The following C10orf90 variants were observed in gnomAD, a reference collection of about 807,000 sequenced individuals.
The protein encoded by C10orf90 is (E2-independent) E3 ubiquitin-conjugating enzyme FATS.
In C10orf90, 56 loss-of-function variants were observed where a neutral mutation model predicts 62.5. The observed-to-expected ratio is 0.90, with a 90% confidence interval of 0.72 to 1.12. C10orf90 has a LOEUF of 1.12. Ranked by LOEUF, C10orf90 falls within the 50% of genes most tolerant of loss-of-function variation. The pLI, the probability that C10orf90 is intolerant of heterozygous loss-of-function variation, is 0.00. For missense variants in C10orf90, 970 were observed against 880.4 expected (o/e 1.10, Z -1.29); for synonymous variants, 386 against 340.4 (o/e 1.13, Z -1.47).
At chr10:126,495,301 A>G (rs1394466590) in intron 4 of C10orf90, among the ~76,000 whole-genome samples, 1 of 152,154 alleles carries the variant, frequency 6.6e-6, no homozygotes, top group East Asian at 1.9e-4. Flanking sequence ...AGACGGGTGG[A>G]TCACCTGAAG....
intron 2 of C10orf90, among the ~76,000 whole-genome samples, chr10:126,638,756 T>A (rs1306189568): frequency 6.6e-6 from 1 of 152,124 alleles, no homozygotes; most frequent in Non-Finnish European, 1.5e-5. Context: ...CACCCCGCCC[T>A]CTTTTTACTA....
In C10orf90 at chr10:126,453,888, T is replaced by C. The variant is rs1368526161; in HGVS notation, c.2188+5152A>G. The stretch of plus-strand genomic sequence containing the variant: ...GTTTGGGAACCCTGATCATGAGTGT[T>C]TTTGGAGTGAAGGAAGGACAGGAAA... On this transcript the variant is annotated intron_variant, in intron 7 of 9. Coordinates refer to ENST00000488181, the MANE Select transcript of C10orf90 (RefSeq NM_001350921.2). The surrounding 1 kb of genome is among the most constrained non-coding windows in gnomAD (Gnocchi z 4.9). Among the ~76,000 whole-genome samples, 1 of 151,888 alleles carries C rather than the reference T, an allele frequency of 6.6e-6. No individual in the cohort carries two copies. Among genetic ancestry groups the C allele is most frequent in the Non-Finnish European group, 1.5e-5 (1 of 67,950 alleles).
Position 126,670,500 on chromosome 10 carries a change from C to G in C10orf90, c.-20G>C, listed in dbSNP as rs181309550. On this transcript the variant is annotated 5_prime_UTR_variant, in exon 1 of 10. Coordinates refer to ENST00000488181, the MANE Select transcript of C10orf90 (RefSeq NM_001350921.2). ...CTGCATGAGACTCAGTATCTTGTGACTTTAGCTAGTGAGACTGGCAAACAC... is the reference window on the plus strand; with the variant it reads ...CTGCATGAGACTCAGTATCTTGTGAGTTTAGCTAGTGAGACTGGCAAACAC... 1.2e-3 allele frequency: 549 copies of G among 455,548 alleles called. No individual in the cohort carries two copies. The highest frequency in any genetic ancestry group is 2.0e-3 in the Non-Finnish European group (445 of 226,300). 28.2% of individuals were successfully genotyped at this position (455,548 alleles called of 1,614,324 possible).
At chr10:126,487,799 G>A (rs1344363558) in intron 4 of C10orf90, among the ~76,000 whole-genome samples, 1 of 152,056 alleles carries the variant, frequency 6.6e-6, no homozygotes, top group Non-Finnish European at 1.5e-5. Flanking sequence ...TCTAAATATT[G>A]TATAATATAA....
chr10:126,433,676 A>C (rs767565538), intron 7 of C10orf90, among the ~76,000 whole-genome samples: 5 of 152,188 alleles, frequency 3.3e-5, no homozygotes, highest in Non-Finnish European at 7.3e-5. Flanking sequence ...ATTTCACTTC[A>C]TGGAATGCAA....
Position 126,490,034 on chromosome 10 carries a change from TA to T in C10orf90, c.1534+13922del, listed in dbSNP as rs1336092673. 3.5e-5 allele frequency among the ~76,000 whole-genome samples: 4 copies of T among 112,982 alleles called. No homozygotes were observed. The East Asian group carries it at 6.7e-4, about 19-fold the overall frequency. 74.1% of individuals were successfully genotyped at this position (112,982 alleles called of 152,430 possible). A position where few individuals can be genotyped will look rare whatever the true frequency, so the allele number is the denominator to read the frequency against. ...TATATTATATATAATATATAATATA[TA>T]ATATATATTATATATTATGTTATAT... On this transcript the variant is annotated intron_variant, in intron 4 of 9. Transcript: ENST00000488181.
chr10:126,661,295 CCAAT>C (rs1846505785), intron 1 of C10orf90, among the ~76,000 whole-genome samples: 1 of 152,176 alleles, frequency 6.6e-6, no homozygotes. Context: ...AGCCTCCATG[CCAAT>C]TCCAAGGCTC....
chr10:126,654,231 A>T (rs932551269), intron 1 of C10orf90, among the ~76,000 whole-genome samples: 2 of 152,192 alleles, frequency 1.3e-5, no homozygotes, highest in Non-Finnish European at 2.9e-5. Flanking sequence ...TACCTCACTA[A>T]CTATGAAAGT....
chr10:126,484,012 A>G (rs1564824005), intron 4 of C10orf90, among the ~76,000 whole-genome samples: 1 of 152,162 alleles, frequency 6.6e-6, no homozygotes, highest in South Asian at 2.1e-4. Flanking sequence ...ATATTCCATA[A>G]GCCTGACATT....
intron 5 of C10orf90, among the ~76,000 whole-genome samples, chr10:126,463,828 A>G (rs775964491): frequency 2.0e-5 from 3 of 152,238 alleles, no homozygotes; most frequent in Non-Finnish European, 4.4e-5. Context: ...TCCTGTGCCA[A>G]CGGAGAGCCT....
intron 1 of C10orf90, among the ~76,000 whole-genome samples, chr10:126,653,383 T>G (rs899267910): frequency 1.3e-5 from 2 of 152,262 alleles, no homozygotes; most frequent in Non-Finnish European, 2.9e-5. Context: ...TCTAAGTTGT[T>G]TGTTGTCATT....
intron 2 of C10orf90, among the ~76,000 whole-genome samples, chr10:126,603,282 C>T (rs1009685061): frequency 2.0e-5 from 3 of 152,122 alleles, no homozygotes; most frequent in African/African-American, 4.8e-5. Context: ...GCAAACATGT[C>T]CTTCTTCACG....
chr10:126,505,639 G>T (rs1270883490), intron 3 of C10orf90, among the ~76,000 whole-genome samples: 1 of 152,164 alleles, frequency 6.6e-6, no homozygotes, highest in Non-Finnish European at 1.5e-5. Context: ...GGAAGTCAAG[G>T]TCCAGAGAGC....
intron 2 of C10orf90, among the ~76,000 whole-genome samples, chr10:126,569,477 G>A (rs1250833790): frequency 1.3e-5 from 2 of 152,096 alleles, no homozygotes; most frequent in East Asian, 1.9e-4. Flanking sequence ...TGCCTTTGAG[G>A]GTTCTACAGT....
chr10:126,517,332 A>G (rs1015416639), intron 2 of C10orf90, among the ~76,000 whole-genome samples: 9 of 152,226 alleles, frequency 5.9e-5, no homozygotes, highest in African/African-American at 2.2e-4. Flanking sequence ...TAAAGTTGTA[A>G]CTGCATCAAG....
intron 2 of C10orf90, among the ~76,000 whole-genome samples, chr10:126,623,591 C>A (rs1425032830): frequency 1.3e-5 from 2 of 152,054 alleles, no homozygotes; most frequent in Non-Finnish European, 2.9e-5. Context: ...CCTGTAATCC[C>A]AGCACTTTGG....
chr10:126,553,103 A>G (rs1342725496), intron 2 of C10orf90, among the ~76,000 whole-genome samples: 3 of 152,232 alleles, frequency 2.0e-5, no homozygotes, highest in African/African-American at 7.2e-5. Flanking sequence ...TGATCTTGGC[A>G]CAAAGATTTC....
chr10:126,506,467 G>A (rs1161739971), intron 3 of C10orf90, among the ~76,000 whole-genome samples: 1 of 152,254 alleles, frequency 6.6e-6, no homozygotes, highest in Non-Finnish European at 1.5e-5. Flanking sequence ...TGCTTGCAGA[G>A]AATCTTTGCT....
At chr10:126,512,384 GTCTGTGTGTGTGTGTGTGTCTGTGTGTC>G (rs1564847104) in intron 3 of C10orf90, among the ~76,000 whole-genome samples, 7 of 141,992 alleles carry the variant, frequency 4.9e-5, no homozygotes, top group African/African-American at 2.0e-4. Flanking sequence ...GTGTGTGTGT[GTCTGTGTGTGTGTGTGTGTCTGTGTGTC>G]TGTGTGTGTG....
Sources: gnomAD v4.1 joint callset for allele counts (sites outside exome capture counted in the v4.1 genomes callset) on GRCh38, gnomAD v4.1.1 for gene constraint, Gnocchi (gnomAD v3.1) non-coding constraint, MANE v1.5 for transcripts, NCBI Gene and HGNC (gene_info 2026-07-23, HGNC 2026-07-21) for gene names.